AOPEP: variants seen among roughly 807,000 people sequenced by gnomAD.
The protein encoded by AOPEP is aminopeptidase O.
AOPEP carries 77 observed loss-of-function variants against 98.1 expected under a neutral mutation model. That is an observed-to-expected ratio of 0.78 (90% CI 0.65 to 0.95). AOPEP has a LOEUF of 0.95. AOPEP is among the 40% of genes least tolerant of loss of function. The pLI is 0.00. For missense variants in AOPEP, 1,024 were observed against 1,024.7 expected (o/e 1.00, Z 0.01); for synonymous variants, 346 against 365.3 (o/e 0.95, Z 0.60).
intron 14 of AOPEP, among the ~76,000 whole-genome samples, chr9:95,073,683 C>A (rs2068741115): frequency 4.6e-5 from 7 of 152,052 alleles, no homozygotes; most frequent in Admixed American, 4.6e-4. Context: ...ATGGTGAAAC[C>A]CCATCTCTAC....
intron 5 of AOPEP, among the ~76,000 whole-genome samples, chr9:94,866,193 A>G (rs2045689054): frequency 6.6e-6 from 1 of 152,224 alleles, no homozygotes; most frequent in Non-Finnish European, 1.5e-5. Flanking sequence ...GGAGATGGAC[A>G]TGCGTGCCCT....
At chr9:94,851,110 C>A (rs1008314423) in intron 5 of AOPEP, among the ~76,000 whole-genome samples, 1 of 152,234 alleles carries the variant, frequency 6.6e-6, no homozygotes, top group Admixed American at 6.5e-5. Flanking sequence ...GTGCCCATCC[C>A]TGTGCCTTTC....
At chr9:95,134,979 T>G in the AOPEP span, among the ~76,000 whole-genome samples, 1 of 152,272 alleles carries the variant, frequency 6.6e-6, no homozygotes, top group Non-Finnish European at 1.5e-5. Flanking sequence ...GAGCTACAAG[T>G]TTATTTTTTG....
rs982876040 is a variant in AOPEP, at chr9:94,794,525, T to C, written c.1118+1607T>C. On this transcript the variant is annotated intron_variant, in intron 4 of 16. Transcript: ENST00000375315. The stretch of plus-strand genomic sequence containing the variant: ...TCTTCATCTTTCAGAGATGAAGCTA[T>C]GTTCTCTCTCTTCTGATGGGCATGT... Among the ~76,000 whole-genome samples the C allele has an allele frequency of 2.0e-5, 3 of 152,354 alleles. No homozygotes were observed. In the East Asian group the frequency reaches 5.8e-4, roughly 29 times the overall value.
chr9:95,129,113 G>A, the AOPEP span, among the ~76,000 whole-genome samples: 1 of 152,034 alleles, frequency 6.6e-6, no homozygotes, highest in African/African-American at 2.4e-5. Flanking sequence ...GTGTTGGCCA[G>A]GATGGTCTCG....
At chr9:94,801,053 T>C (rs772322796) in intron 5 of AOPEP, 51 bp downstream of exon 5, 2 of 1,600,348 alleles carry the variant, frequency 1.2e-6, no homozygotes, top group Admixed American at 3.3e-5. Context: ...GGAAATTCTT[T>C]GACTATGTCT....
the AOPEP span, among the ~76,000 whole-genome samples, chr9:95,096,053 C>T: frequency 3.9e-5 from 6 of 152,234 alleles, no homozygotes; most frequent in Non-Finnish European, 8.8e-5. Context: ...CCTGCCTCTC[C>T]GAAGCAGGGG....
intron 14 of AOPEP, among the ~76,000 whole-genome samples, chr9:95,077,720 G>A (rs531637765): frequency 2.0e-5 from 3 of 152,258 alleles, no homozygotes; most frequent in East Asian, 3.9e-4. Flanking sequence ...GAAGCCCCTC[G>A]GTGGTCTGGA....
At chr9:95,043,242 A>C (rs1172146621) in intron 13 of AOPEP, among the ~76,000 whole-genome samples, 1 of 147,076 alleles carries the variant, frequency 6.8e-6, no homozygotes, top group Non-Finnish European at 1.5e-5. Context: ...ATATACAGAT[A>C]TATACAGATA....
At chr9:95,062,732 C>T (rs749327678) in intron 14 of AOPEP, among the ~76,000 whole-genome samples, 1 of 152,172 alleles carries the variant, frequency 6.6e-6, no homozygotes, top group East Asian at 1.9e-4. Flanking sequence ...GAGTCTGCTG[C>T]GGCTGCTTGC....
At chr9:95,084,812 CG>C (rs1445427611) in intron 16 of AOPEP, among the ~76,000 whole-genome samples, 16 of 152,098 alleles carry the variant, frequency 1.1e-4, no homozygotes, top group African/African-American at 3.9e-4. Flanking sequence ...GAACAGTGGC[CG>C]GGATTGTCCC....
intron 11 of AOPEP, among the ~76,000 whole-genome samples, chr9:95,004,765 G>C: frequency 6.8e-6 from 1 of 147,246 alleles, no homozygotes; most frequent in African/African-American, 2.5e-5. Flanking sequence ...GCCCGGGGAG[G>C]GGTGGCGGGG....
chr9:95,092,491 G>GC, the AOPEP span, among the ~76,000 whole-genome samples: 1 of 152,228 alleles, frequency 6.6e-6, no homozygotes, highest in African/African-American at 2.4e-5. Context: ...GGGGCCGCCT[G>GC]CCCAGACAGC....
the AOPEP span, chr9:95,124,991 T>A: frequency 1.9e-6 from 2 of 1,042,982 alleles, no homozygotes; most frequent in Non-Finnish European, 2.9e-6. Context: ...AAACAGTCCA[T>A]CAAAATTATT....
At chr9:95,083,679 A>G (rs1027410237) in intron 16 of AOPEP, among the ~76,000 whole-genome samples, 1 of 151,612 alleles carries the variant, frequency 6.6e-6, no homozygotes, top group African/African-American at 2.4e-5. Context: ...CCTGCGGCAC[A>G]CACAGCACAC....
chr9:94,804,628 T>C (rs1848860774), intron 5 of AOPEP, among the ~76,000 whole-genome samples: 2 of 152,224 alleles, frequency 1.3e-5, no homozygotes, highest in South Asian at 4.1e-4. Context: ...ATTTGGTTAT[T>C]GTTTATTTAT....
intron 7 of AOPEP, chr9:94,931,790 C>T (rs1056101415): frequency 6.5e-7 from 1 of 1,549,286 alleles, no homozygotes; most frequent in African/African-American, 1.4e-5. Context: ...TTTGACCACT[C>T]TGTCCTAAAA....
downstream of AOPEP, among the ~76,000 whole-genome samples, chr9:95,090,356 C>G (rs540777632): frequency 6.6e-6 from 1 of 152,228 alleles, no homozygotes; most frequent in African/African-American, 2.4e-5. Flanking sequence ...TGTTTCAGCC[C>G]GCAGGAGCCG....
At chr9:94,810,678 A>G (rs1850360562) in intron 5 of AOPEP, among the ~76,000 whole-genome samples, 1 of 152,158 alleles carries the variant, frequency 6.6e-6, no homozygotes, top group Admixed American at 6.5e-5. Flanking sequence ...GCAATTTAAA[A>G]TACATGTATA....
Sources: allele counts gnomAD v4.1 joint callset (sites outside exome capture counted in the v4.1 genomes callset), GRCh38; gene constraint gnomAD v4.1.1; transcripts MANE v1.5; gene names NCBI Gene and HGNC (gene_info 2026-07-23, HGNC 2026-07-21).